KCNQ3: variants seen among roughly 807,000 people sequenced by gnomAD.
KCNQ3 encodes the protein potassium voltage-gated channel subfamily KQT member 3.
Under a neutral mutation model 92.5 loss-of-function variants are expected in KCNQ3, and 30 were observed. That is an observed-to-expected ratio of 0.32 (90% CI 0.24 to 0.44). The LOEUF (loss-of-function observed/expected upper bound fraction) is 0.44, where lower values mean the gene tolerates loss of function less well. Among genes scored for constraint, KCNQ3 ranks in the 20% least tolerant of loss-of-function variants. The pLI, the probability that KCNQ3 is intolerant of heterozygous loss-of-function variation, is 1.00. For missense variants in KCNQ3, 913 were observed against 1,140.3 expected (o/e 0.80, Z 2.87); for synonymous variants, 450 against 468.8 (o/e 0.96, Z 0.52).
chr8:132,479,292 A>G (rs1254594866), intron 1 of KCNQ3, among the ~76,000 whole-genome samples: 2 of 152,114 alleles, frequency 1.3e-5, no homozygotes, highest in Non-Finnish European at 2.9e-5. Context: ...TCTTTCTAGG[A>G]GAACAGTGCC....
intron 1 of KCNQ3, among the ~76,000 whole-genome samples, chr8:132,290,399 TCA>T (rs1177830891): frequency 6.6e-6 from 1 of 152,116 alleles, no homozygotes; most frequent in African/African-American, 2.4e-5. Context: ...ACAACGAAAC[TCA>T]CTGAACGTTG....
At chr8:132,179,111 G>A (rs575005408) in intron 4 of KCNQ3, among the ~76,000 whole-genome samples, 3 of 150,342 alleles carry the variant, frequency 2.0e-5, no homozygotes, top group Admixed American at 6.6e-5. Context: ...TTTTCTGCCT[G>A]AGCTGAGACA....
At chr8:132,365,991 AC>A (rs1285977632) in intron 1 of KCNQ3, among the ~76,000 whole-genome samples, 1 of 152,192 alleles carries the variant, frequency 6.6e-6, no homozygotes, top group Non-Finnish European at 1.5e-5. Context: ...AAATGGCACC[AC>A]TGCACTCCAG....
At chr8:132,226,388 T>A (rs1237330145) in intron 1 of KCNQ3, among the ~76,000 whole-genome samples, 1 of 152,102 alleles carries the variant, frequency 6.6e-6, no homozygotes, top group East Asian at 1.9e-4. Context: ...AAAAGGTGTA[T>A]ATGTGTGTGC....
chr8:132,222,252 A>G (rs1299165141), intron 1 of KCNQ3, among the ~76,000 whole-genome samples: 1 of 152,238 alleles, frequency 6.6e-6, no homozygotes, highest in Non-Finnish European at 1.5e-5. Flanking sequence ...CAGAAAATCA[A>G]CTGAAGAAAA....
intron 1 of KCNQ3, among the ~76,000 whole-genome samples, chr8:132,272,528 A>C (rs1816181825): frequency 6.6e-6 from 1 of 152,178 alleles, no homozygotes; most frequent in South Asian, 2.1e-4. Flanking sequence ...GTGGGAAGAA[A>C]AAGAGGTTTA....
At chr8:132,390,795 C>T (rs1820030541) in intron 1 of KCNQ3, among the ~76,000 whole-genome samples, 1 of 152,166 alleles carries the variant, frequency 6.6e-6, no homozygotes, top group Admixed American at 6.5e-5. Context: ...ATTTTAAGTA[C>T]CCGATCAGCA....
chr8:132,458,555 A>T (rs767855192), intron 1 of KCNQ3, among the ~76,000 whole-genome samples: 1 of 152,222 alleles, frequency 6.6e-6, no homozygotes, highest in Non-Finnish European at 1.5e-5. Context: ...CCCGGGTTCA[A>T]GTGATTTTCC....
chr8:132,187,757 T>C (rs1226289146), intron 1 of KCNQ3, among the ~76,000 whole-genome samples: 1 of 150,272 alleles, frequency 6.7e-6, no homozygotes, highest in Non-Finnish European at 1.5e-5. Flanking sequence ...GTGGTGGTAG[T>C]GATGATGGTG....
intron 1 of KCNQ3, among the ~76,000 whole-genome samples, chr8:132,478,427 G>A (rs531008726): frequency 2.6e-5 from 4 of 152,318 alleles, no homozygotes; most frequent in Non-Finnish European, 5.9e-5. Context: ...TTGTATGACT[G>A]TGTGCACTCA....
At chr8:132,205,941 C>A (rs901598942) in intron 1 of KCNQ3, among the ~76,000 whole-genome samples, 1 of 152,138 alleles carries the variant, frequency 6.6e-6, no homozygotes, top group Non-Finnish European at 1.5e-5. Flanking sequence ...CTGCTCTTCC[C>A]TGGACCCAGG....
chr8:132,423,748 G>C (rs1251988948), intron 1 of KCNQ3, among the ~76,000 whole-genome samples: 1 of 152,118 alleles, frequency 6.6e-6, no homozygotes. Flanking sequence ...TCCCATCCCA[G>C]AGCCCCACGC....
chr8:132,259,402 C>T (rs1313215851), intron 1 of KCNQ3, among the ~76,000 whole-genome samples: 1 of 152,026 alleles, frequency 6.6e-6, no homozygotes, highest in African/African-American at 2.4e-5. Flanking sequence ...ATAAAACCTC[C>T]TCTTGAGTAT....
At chr8:132,297,966 A>G (rs1478456312) in intron 1 of KCNQ3, among the ~76,000 whole-genome samples, 1 of 152,240 alleles carries the variant, frequency 6.6e-6, no homozygotes, top group African/African-American at 2.4e-5. Flanking sequence ...AGTGTGTTTT[A>G]AATTACATGA....
chr8:132,451,356 G>GCA (rs1821817327), intron 1 of KCNQ3, among the ~76,000 whole-genome samples: 1 of 152,184 alleles, frequency 6.6e-6, no homozygotes, highest in Admixed American at 6.5e-5. Flanking sequence ...TATTAGCAAT[G>GCA]TGAGAACAAA....
rs909648964 is a variant in KCNQ3, at chr8:132,200,573, C to T, written c.387-14392G>A. On this transcript the variant is annotated intron_variant, in intron 1 of 14. Transcript: ENST00000388996. ...ATGGGACCTAATCTTAAAAACACCC[C>T]TGTCGTGTTAGATAATGGAGCATTT... Among the ~76,000 whole-genome samples, 5 of 152,212 alleles carry T rather than the reference C, an allele frequency of 3.3e-5. No individual in the cohort carries two copies. In the East Asian group the frequency reaches 9.6e-4, roughly 29 times the overall value.
At chr8:132,197,323 C>T (rs1420509010) in intron 1 of KCNQ3, among the ~76,000 whole-genome samples, 1 of 152,212 alleles carries the variant, frequency 6.6e-6, no homozygotes, top group Non-Finnish European at 1.5e-5. Flanking sequence ...TGTTCCATGC[C>T]TATGTCCTCC....
chr8:132,227,887 C>T (rs1041332489), intron 1 of KCNQ3, among the ~76,000 whole-genome samples: 18 of 152,194 alleles, frequency 1.2e-4, no homozygotes, highest in African/African-American at 4.3e-4. Flanking sequence ...AATGTCTTCA[C>T]AGAACCTGAG....
chr8:132,133,004 C>T (rs1824934757), intron 13 of KCNQ3, among the ~76,000 whole-genome samples: 1 of 152,092 alleles, frequency 6.6e-6, no homozygotes, highest in African/African-American at 2.4e-5. Flanking sequence ...GCTGCGAAGC[C>T]CTAAATTTTA....
Sources: gnomAD v4.1 joint callset for allele counts (sites outside exome capture counted in the v4.1 genomes callset) on GRCh38, gnomAD v4.1.1 for gene constraint, MANE v1.5 for transcripts, NCBI Gene and HGNC (gene_info 2026-07-23, HGNC 2026-07-21) for gene names.